CCSER1: variants seen among roughly 807,000 people sequenced by gnomAD.
The protein encoded by CCSER1 is serine-rich coiled-coil domain-containing protein 1.
A neutral mutation model predicts 82.0 loss-of-function variants in CCSER1; 41 were observed. The ratio of observed to expected loss-of-function variants is 0.50; its 90% CI spans 0.39 to 0.65. The LOEUF is 0.65. CCSER1 is among the 30% of genes least tolerant of loss of function. CCSER1 has a pLI of 0.00. For missense variants in CCSER1, 1,119 were observed against 1,064.2 expected (o/e 1.05, Z -0.72); for synonymous variants, 414 against 383.9 (o/e 1.08, Z -0.92).
intron 1 of CCSER1, among the ~76,000 whole-genome samples, chr4:90,229,510 A>C (rs1223006603): frequency 6.6e-6 from 1 of 152,228 alleles, no homozygotes; most frequent in Admixed American, 6.5e-5. Context: ...CAGCCGCTGC[A>C]AAATCATGCC....
At chr4:90,659,516 A>T (rs7658260) in intron 6 of CCSER1, among the ~76,000 whole-genome samples, 1 of 151,202 alleles carries the variant, frequency 6.6e-6, no homozygotes. Flanking sequence ...CATTACAACC[A>T]CCACCAACAT....
intron 10 of CCSER1, among the ~76,000 whole-genome samples, chr4:91,509,401 C>T (rs1219936822): frequency 6.6e-6 from 1 of 151,970 alleles, no homozygotes; most frequent in African/African-American, 2.4e-5. Flanking sequence ...CAATTTTTCT[C>T]TTATTACATT....
intron 10 of CCSER1, among the ~76,000 whole-genome samples, chr4:91,134,873 A>G (rs1454358500): frequency 6.6e-6 from 1 of 152,134 alleles, no homozygotes; most frequent in Non-Finnish European, 1.5e-5. Flanking sequence ...CATCCTGGCC[A>G]ACATGGTGAA....
intron 10 of CCSER1, among the ~76,000 whole-genome samples, chr4:91,346,999 T>A (rs1389025150): frequency 6.7e-6 from 1 of 149,422 alleles, no homozygotes; most frequent in Admixed American, 6.6e-5. Context: ...CTTCAACTTA[T>A]GAGTTTTTTT....
intron 10 of CCSER1, among the ~76,000 whole-genome samples, chr4:91,553,669 A>C (rs780260423): frequency 1.3e-5 from 2 of 150,876 alleles, no homozygotes; most frequent in Non-Finnish European, 3.0e-5. Flanking sequence ...TTTTTCTATA[A>C]ATTTATCCAT....
chr4:90,431,310 T>C (rs1310321807), intron 4 of CCSER1, among the ~76,000 whole-genome samples: 2 of 152,056 alleles, frequency 1.3e-5, no homozygotes, highest in African/African-American at 4.8e-5. Context: ...TGTCTAGCTC[T>C]GTAGAGGAAT....
At chr4:91,006,492 CTTTTTTT>C (rs567997060) in intron 9 of CCSER1, among the ~76,000 whole-genome samples, 1 of 143,762 alleles carries the variant, frequency 7.0e-6, no homozygotes, top group Non-Finnish European at 1.5e-5. Context: ...TTCTTTTTTT[CTTTTTTT>C]TTTTTTCTTA....
At chr4:91,031,610 C>T (rs751791829) in intron 9 of CCSER1, among the ~76,000 whole-genome samples, 1 of 151,936 alleles carries the variant, frequency 6.6e-6, no homozygotes, top group African/African-American at 2.4e-5. Flanking sequence ...TTCTGTGGGG[C>T]GCTTAAAAAT....
At chr4:91,497,310 C>A (rs1758976726) in intron 10 of CCSER1, among the ~76,000 whole-genome samples, 2 of 151,598 alleles carry the variant, frequency 1.3e-5, no homozygotes, top group Non-Finnish European at 3.0e-5. Flanking sequence ...ATATGCTGAT[C>A]ACAAGTCTTA....
intron 10 of CCSER1, among the ~76,000 whole-genome samples, chr4:91,386,443 G>A (rs1344487267): frequency 1.3e-5 from 2 of 152,046 alleles, no homozygotes; most frequent in Non-Finnish European, 1.5e-5. Context: ...AACTGTGGAA[G>A]AAGAGAGGGC....
intron 10 of CCSER1, among the ~76,000 whole-genome samples, chr4:91,383,715 CTTTA>C (rs1055348707): frequency 2.6e-5 from 4 of 151,988 alleles, no homozygotes; most frequent in Non-Finnish European, 5.9e-5. Flanking sequence ...CCCCATTACA[CTTTA>C]TTTGTTTCTT....
chr4:91,476,712 A>T (rs886894510), intron 10 of CCSER1, among the ~76,000 whole-genome samples: 2 of 151,728 alleles, frequency 1.3e-5, no homozygotes, highest in African/African-American at 4.8e-5. Context: ...AAAACCCCAT[A>T]GACAAATAGA....
chr4:90,315,063 T>G (rs1735942871), intron 3 of CCSER1, among the ~76,000 whole-genome samples: 1 of 151,930 alleles, frequency 6.6e-6, no homozygotes, highest in Non-Finnish European at 1.5e-5. Context: ...GCCAGGCTGG[T>G]CTTGAACTCC....
At chr4:90,704,070 G>A (rs1738768696) in intron 6 of CCSER1, among the ~76,000 whole-genome samples, 4 of 152,228 alleles carry the variant, frequency 2.6e-5, no homozygotes, top group South Asian at 4.1e-4. Context: ...TCCAAGCATC[G>A]ATGGTCTTTA....
intron 10 of CCSER1, among the ~76,000 whole-genome samples, chr4:91,274,956 A>G (rs909815312): frequency 3.9e-5 from 6 of 152,020 alleles, no homozygotes; most frequent in African/African-American, 1.4e-4. Context: ...ATACAAAAAA[A>G]ATAGCTGGGA....
At chr4:91,302,561 G>A (rs989878549) in intron 10 of CCSER1, among the ~76,000 whole-genome samples, 12 of 151,844 alleles carry the variant, frequency 7.9e-5, no homozygotes, top group African/African-American at 2.7e-4. Context: ...GATCAGATAA[G>A]CCTTCTACAT....
chr4:91,099,548 C>G (rs1267760744), intron 10 of CCSER1, among the ~76,000 whole-genome samples: 1 of 152,068 alleles, frequency 6.6e-6, no homozygotes, highest in Non-Finnish European at 1.5e-5. Context: ...GAACACATGT[C>G]CAAGGTAGTT....
At chr4:91,067,155 C>T (rs1263793922) in intron 9 of CCSER1, among the ~76,000 whole-genome samples, 5 of 151,198 alleles carry the variant, frequency 3.3e-5, no homozygotes, top group African/African-American at 4.9e-5. Flanking sequence ...CAGAGCCAGA[C>T]AACGTCTCAA....
At chr4:91,361,206 G>C (rs1749221119) in intron 10 of CCSER1, among the ~76,000 whole-genome samples, 2 of 151,720 alleles carry the variant, frequency 1.3e-5, no homozygotes, top group African/African-American at 4.8e-5. Context: ...TAATTTCACA[G>C]AAACATATAT....
Sources: allele counts gnomAD v4.1 joint callset (sites outside exome capture counted in the v4.1 genomes callset), GRCh38; gene constraint gnomAD v4.1.1; transcripts MANE v1.5; gene names NCBI Gene and HGNC (gene_info 2026-07-23, HGNC 2026-07-21).